The following TMX1 variants were observed in gnomAD, a reference collection of about 807,000 sequenced individuals.
TMX1 encodes thioredoxin-related transmembrane protein 1.
A neutral mutation model predicts 36.6 loss-of-function variants in TMX1; 25 were observed. That is an observed-to-expected ratio of 0.68 (90% CI 0.50 to 0.95). The LOEUF is 0.95. Ranked by LOEUF, TMX1 falls within the 40% of genes least tolerant of loss-of-function variation. TMX1 has a pLI of 0.00. For synonymous variants in TMX1, 133 were observed against 118.0 expected (o/e 1.13, Z -0.82); for missense variants, 347 against 339.6 (o/e 1.02, Z -0.17).
chr14:51,241,687 A>C (rs980065715), intron 1 of TMX1, among the ~76,000 whole-genome samples: 9 of 152,162 alleles, frequency 5.9e-5, no homozygotes, highest in Non-Finnish European at 1.2e-4. Context: ...TAAGTAAATA[A>C]ATAAAAATGA....
intron 7 of TMX1, among the ~76,000 whole-genome samples, chr14:51,252,539 T>C (rs892594033): frequency 9.2e-5 from 14 of 152,148 alleles, no homozygotes; most frequent in Non-Finnish European, 1.8e-4. Flanking sequence ...GAGATAGGTA[T>C]GTAATGCTCA....
rs986842521 is a variant in TMX1, at chr14:51,256,681, A to C, written c.*2162A>C. ...AATGATTATCAGAAAGACTGAAAAA[A>C]GTTTTAATGAAGAATTCTGGCTACA... On this transcript the variant is annotated 3_prime_UTR_variant, in exon 8 of 8. Coordinates refer to ENST00000457354, the MANE Select transcript of TMX1 (RefSeq NM_030755.5). 6.6e-6 allele frequency: 1 copy of C among 152,208 alleles called. No homozygotes were observed. The highest frequency in any genetic ancestry group is 1.5e-5 in the Non-Finnish European group (1 of 68,032). 9.4% of individuals were successfully genotyped at this position (152,208 alleles called of 1,614,324 possible). A position where few individuals can be genotyped will look rare whatever the true frequency, so the allele number is the denominator to read the frequency against.
Position 51,249,473 on chromosome 14 carries a change from C to T in TMX1, c.495C>T (p.Cys165=). 3 of 1,604,638 alleles carry T rather than the reference C, an allele frequency of 1.9e-6. No individual in the cohort carries two copies. Among genetic ancestry groups the T allele is most frequent in the Middle Eastern group, 1.7e-4 (1 of 6,006 alleles). The part of the protein sequence containing the change: ...LFQLSMWIRT[C]HNYFIEDLGL... Reference sequence around the variant, plus strand: ...TTTTTTTCTTTTGATTTTAGACTTGCCATAACTACTTTATTGAAGACCTTG... The same window carrying T: ...TTTTTTTCTTTTGATTTTAGACTTGTCATAACTACTTTATTGAAGACCTTG... The change falls in exon 6 of 8, where the codon TGC becomes TGT. Residue 165 remains cysteine (C), a synonymous_variant. Transcript: ENST00000457354.
intron 7 of TMX1, among the ~76,000 whole-genome samples, chr14:51,253,540 T>TA (rs1172562094): frequency 6.6e-6 from 1 of 152,198 alleles, no homozygotes; most frequent in African/African-American, 2.4e-5. Context: ...CTTGATTGCC[T>TA]AGGATTGGGG....
At chr14:51,252,228 A>G (rs1400589432) in intron 7 of TMX1, among the ~76,000 whole-genome samples, 1 of 111,686 alleles carries the variant, frequency 9.0e-6, no homozygotes, top group East Asian at 2.6e-4. Context: ...AAGCTACTTA[A>G]GTTTTTCTGT....
intron 7 of TMX1, among the ~76,000 whole-genome samples, chr14:51,252,162 A>C (rs1362176161): frequency 6.6e-6 from 1 of 151,560 alleles, no homozygotes; most frequent in Non-Finnish European, 1.5e-5. Context: ...AGGAAGTTAC[A>C]AGGGAATTCA....
intron 3 of TMX1, chr14:51,245,718 G>A (rs979561321): frequency 8.0e-5 from 27 of 337,712 alleles, no homozygotes; most frequent in African/African-American, 5.3e-4. Context: ...GAGAATATGG[G>A]GTTTAAATGA....
intron 2 of TMX1, chr14:51,244,245 A>C (rs1330362683): frequency 4.5e-6 from 1 of 220,214 alleles, no homozygotes. Flanking sequence ...ATTCTTGCCC[A>C]CATAACTGCC....
Position 51,241,045 on chromosome 14 carries a change from T to G in TMX1, c.152+601T>G, listed in dbSNP as rs1596403142. Among the ~76,000 whole-genome samples the G allele has an allele frequency of 2.6e-5, 4 of 152,288 alleles. No individual in the cohort carries two copies. The South Asian group carries it at 8.3e-4, about 32-fold the overall frequency. On this transcript the variant is annotated intron_variant, in intron 1 of 7. Transcript: ENST00000457354. ...TTTTGCCTCCTCTTTTGCTTTCTCT[T>G]TTTTTCACTCCTCATCTCATTTTTC...
rs754606289 is a variant in TMX1, at chr14:51,249,365, G to T, written c.483G>T (p.Trp161Cys). ...SMSALFQLSM[W>C]IRTCHNYFIE... ...CAGCACTCTTTCAGCTATCTATGTG[G>T]ATCAGGGTATGGACTAAAATATTTT... is the stretch of plus-strand genomic sequence containing the variant. The change falls in exon 5 of 8, where the codon TGG becomes TGT. Residue 161 changes from tryptophan to cysteine, a missense_variant. Transcript: ENST00000457354. 2.5e-6 allele frequency: 4 copies of T among 1,608,138 alleles called. No homozygotes were observed. The South Asian group carries it at 4.5e-5, about 18-fold the overall frequency.
rs1318861656 is a variant in TMX1 at position 51,254,901 on chromosome 14, T to A, written c.*382T>A. ...TATTTCTCATTTGATATAATTTTTC[T>A]CTGTTTCACTGTGTGAAAAAAAGAA... On this transcript the variant is annotated 3_prime_UTR_variant, in exon 8 of 8. Coordinates refer to ENST00000457354, the MANE Select transcript of TMX1 (RefSeq NM_030755.5). The A allele has an allele frequency of 6.5e-6, 1 of 153,942 alleles. No individual in the cohort carries two copies. The highest frequency in any genetic ancestry group is 1.5e-5 in the Non-Finnish European group (1 of 68,936). 9.5% of individuals were successfully genotyped at this position (153,942 alleles called of 1,614,324 possible).
At chr14:51,250,639 C>T (rs769992129) in intron 7 of TMX1, among the ~76,000 whole-genome samples, 1 of 152,090 alleles carries the variant, frequency 6.6e-6, no homozygotes, top group Non-Finnish European at 1.5e-5. Flanking sequence ...CTACAGGTGC[C>T]CACCACCACG....
In TMX1 at chr14:51,256,842, C is replaced by T. The variant is rs1046102720; in HGVS notation, c.*2323C>T. The T allele has an allele frequency of 6.6e-6, 1 of 152,110 alleles. No homozygotes were observed. Among genetic ancestry groups the T allele is most frequent in the Non-Finnish European group, 1.5e-5 (1 of 68,028 alleles). 9.4% of individuals were successfully genotyped at this position (152,110 alleles called of 1,614,324 possible). On this transcript the variant is annotated 3_prime_UTR_variant, in exon 8 of 8. Transcript: ENST00000457354. Reference sequence around the variant, plus strand: ...GGTGAGTCAGCCCAGAGGTGTGGTACAAATAGGTAAAATTTGAATCTAATT... The same window carrying T: ...GGTGAGTCAGCCCAGAGGTGTGGTATAAATAGGTAAAATTTGAATCTAATT...
chr14:51,243,790 T>TA (rs35110538), intron 1 of TMX1, 66 bp from the exon 2 acceptor site: 919,984 of 1,098,094 alleles, frequency 0.84, 388,888 homozygotes, highest in East Asian at 0.91. Flanking sequence ...TTAAATTTTT[T>TA]ATCCCAAGAT....
intron 1 of TMX1, among the ~76,000 whole-genome samples, chr14:51,242,964 C>T (rs917095534): frequency 6.6e-6 from 1 of 151,936 alleles, no homozygotes; most frequent in African/African-American, 2.4e-5. Flanking sequence ...TTTTATACTA[C>T]CAGTTTGTCT....
intron 7 of TMX1, among the ~76,000 whole-genome samples, chr14:51,252,587 ATAT>A: frequency 6.6e-6 from 1 of 152,322 alleles, no homozygotes; most frequent in South Asian, 2.1e-4. Context: ...AGCACTATGT[ATAT>A]GATTGTGTAA....
chr14:51,249,468 A>T lies in TMX1; in HGVS notation c.490A>T (p.Thr164Ser), dbSNP rs751317714. 1 of 1,597,072 alleles carries T rather than the reference A, an allele frequency of 6.3e-7. No individual in the cohort carries two copies. The highest frequency in any genetic ancestry group is 1.8e-5 in the Admixed American group (1 of 55,688). ...ALFQLSMWIR[T>S]CHNYFIEDLG... The stretch of plus-strand genomic sequence containing the variant: ...GTTTTTTTTTTTCTTTTGATTTTAG[A>T]CTTGCCATAACTACTTTATTGAAGA... Residue 164 changes from threonine (T) to serine (S), a missense_variant and splice_region_variant, in exon 6 of 8, where the codon ACT becomes TCT. Coordinates refer to ENST00000457354, the MANE Select transcript of TMX1 (RefSeq NM_030755.5).
At chr14:51,243,539 C>G (rs553043001) in intron 1 of TMX1, among the ~76,000 whole-genome samples, 44 of 152,302 alleles carry the variant, frequency 2.9e-4, no homozygotes, top group Middle Eastern at 3.4e-3. Context: ...TAACTTTGGT[C>G]TTGAGCTTTC....
chr14:51,247,062 T>G (rs756587313), intron 3 of TMX1, 30 bp from the exon 4 acceptor site: 81 of 1,579,558 alleles, frequency 5.1e-5, no homozygotes, highest in Non-Finnish European at 6.8e-5. Flanking sequence ...TTCTCAGTGC[T>G]GGATAATATT....
Sources: allele counts gnomAD v4.1 joint callset (sites outside exome capture counted in the v4.1 genomes callset), GRCh38; gene constraint gnomAD v4.1.1; transcripts MANE v1.5; gene names NCBI Gene and HGNC (gene_info 2026-07-23, HGNC 2026-07-21).